CTTNBP2: variants seen among roughly 807,000 people sequenced by gnomAD.
CTTNBP2 encodes cortactin binding protein 2, also known as cortactin-binding protein 2.
In CTTNBP2, 108 loss-of-function variants were observed where a neutral mutation model predicts 156.9. The ratio of observed to expected loss-of-function variants is 0.69; its 90% CI spans 0.59 to 0.81. The LOEUF (loss-of-function observed/expected upper bound fraction) is 0.81. CTTNBP2 is among the 30% of genes least tolerant of loss of function. The pLI is 0.00. For synonymous variants in CTTNBP2, 767 were observed against 751.8 expected, an observed-to-expected ratio of 1.02 and a Z score of -0.33; for missense variants, 1,924 against 2,035.4, an observed-to-expected ratio of 0.95 and a Z score of 1.05.
At position 117,719,597 on chromosome 7, in the gene CTTNBP2, A is replaced by C; in HGVS notation, c.4551T>G (p.Asp1517Glu). The C allele has an allele frequency of 2.5e-6, 4 of 1,613,706 alleles. No homozygotes were observed. The highest frequency in any genetic ancestry group is 3.4e-6 in the Non-Finnish European group (4 of 1,179,686). ...CATCTGAACCCAGAGAGAGTCTCTG[A>C]TCCAAATTCAACGTCAGTGATAGAT... is the stretch of plus-strand genomic sequence containing the variant. ...ENDLSLTLNL[D>E]QRLSLGSDDE... Residue 1517 changes from aspartate to glutamate, a missense_variant, in exon 21 of 23, where the codon GAT becomes GAG. Coordinates refer to ENST00000160373, the MANE Select transcript of CTTNBP2 (RefSeq NM_033427.3).
intron 9 of CTTNBP2, among the ~76,000 whole-genome samples, chr7:117,762,346 A>G (rs552980895): frequency 6.6e-6 from 1 of 152,272 alleles, no homozygotes; most frequent in African/African-American, 2.4e-5. Context: ...ACATGAGAAA[A>G]TCTGTTTCAC....
intron 3 of CTTNBP2, among the ~76,000 whole-genome samples, chr7:117,806,509 C>T (rs73477468): frequency 0.014 from 2,190 of 152,296 alleles, 45 homozygotes; most frequent in African/African-American, 0.05. Flanking sequence ...TCCCTGGGCA[C>T]TCCAACCCAT....
chr7:117,720,417 T>C (rs1227894823), intron 20 of CTTNBP2, among the ~76,000 whole-genome samples: 1 of 152,174 alleles, frequency 6.6e-6, no homozygotes, highest in Non-Finnish European at 1.5e-5. Flanking sequence ...TGTAAATTTA[T>C]AGCACTTAAA....
At chr7:117,860,935 A>T (rs944910571) in intron 2 of CTTNBP2, among the ~76,000 whole-genome samples, 3 of 152,204 alleles carry the variant, frequency 2.0e-5, no homozygotes, top group Non-Finnish European at 2.9e-5. Flanking sequence ...TGTGAAACAT[A>T]AAAGGATTTC....
chr7:117,719,784 C>A, intron 20 of CTTNBP2, 148 bp from the exon 21 acceptor site: 2 of 565,574 alleles, frequency 3.5e-6, no homozygotes, highest in East Asian at 3.1e-5. Flanking sequence ...TCATTTAATG[C>A]AAGAAATTTC....
At chr7:117,834,935 T>C (rs1439174801) in intron 2 of CTTNBP2, among the ~76,000 whole-genome samples, 5 of 152,216 alleles carry the variant, frequency 3.3e-5, no homozygotes, top group Admixed American at 2.0e-4. Flanking sequence ...CACAGGAAAA[T>C]TGCTTCAGGT....
chr7:117,736,094 C>T (rs529695772), intron 14 of CTTNBP2, among the ~76,000 whole-genome samples: 1 of 152,066 alleles, frequency 6.6e-6, no homozygotes, highest in East Asian at 1.9e-4. Context: ...ATATCTATTT[C>T]ATAATACAAA....
intron 4 of CTTNBP2, among the ~76,000 whole-genome samples, chr7:117,786,194 A>C (rs1798691678): frequency 6.6e-6 from 1 of 152,202 alleles, no homozygotes; most frequent in African/African-American, 2.4e-5. Flanking sequence ...AAAAAGCTGG[A>C]TATTATATCT....
intron 12 of CTTNBP2, chr7:117,755,634 T>A (rs1796843646): frequency 2.2e-6 from 1 of 454,724 alleles, no homozygotes; most frequent in Admixed American, 2.4e-5. Context: ...AAATAAGTCA[T>A]AACAGCACTT....
chr7:117,784,494 G>A, intron 4 of CTTNBP2, 40 bp from the exon 5 acceptor site: 2 of 1,440,628 alleles, frequency 1.4e-6, no homozygotes, highest in Non-Finnish European at 1.9e-6. Context: ...GTAGGAGCAA[G>A]GACAAGAGAC....
chr7:117,781,738 A>G (rs1250537596), intron 6 of CTTNBP2, among the ~76,000 whole-genome samples: 1 of 152,206 alleles, frequency 6.6e-6, no homozygotes, highest in Admixed American at 6.5e-5. Context: ...CTCCGTCTAA[A>G]AGAAAGAAAG....
Position 117,784,294 on chromosome 7 carries a change from A to C in CTTNBP2, c.2229T>G (p.Asp743Glu), listed in dbSNP as rs1282059950. The C allele has an allele frequency of 6.2e-7, 1 of 1,613,678 alleles. No individual in the cohort carries two copies. The highest frequency in any genetic ancestry group is 1.3e-5 in the African/African-American group (1 of 74,928). ...EGLDINYSCEDGHSALYSAAK... is the reference protein window; with the variant it reads ...EGLDINYSCEEGHSALYSAAK... ...CAGCAGAATACAAGGCAGAATGGCC[A>C]TCTTCACAGGAGTAATTAATGTCCA... Residue 743 changes from aspartate (D) to glutamate (E), a missense_variant, in exon 5 of 23, where the codon GAT becomes GAG. By Grantham distance (45) the Asp-to-Glu change is conservative. Transcript: ENST00000160373.
chr7:117,870,561 G>T (rs1238084518), intron 1 of CTTNBP2, among the ~76,000 whole-genome samples: 1 of 152,180 alleles, frequency 6.6e-6, no homozygotes, highest in Non-Finnish European at 1.5e-5. Flanking sequence ...AGCTGCTCCA[G>T]AAAAGCTCAG....
intron 9 of CTTNBP2, among the ~76,000 whole-genome samples, chr7:117,763,531 C>T (rs1797314327): frequency 6.6e-6 from 1 of 150,402 alleles, no homozygotes. Flanking sequence ...CCAATTACAC[C>T]ATTGTTTTCT....
intron 10 of CTTNBP2, chr7:117,760,222 T>C (rs1256091299): frequency 8.9e-6 from 5 of 560,352 alleles, no homozygotes; most frequent in African/African-American, 3.7e-5. Flanking sequence ...TTTTACTCTC[T>C]GAGTATTATT....
chr7:117,734,249 G>GACAA (rs1287594882), intron 16 of CTTNBP2, among the ~76,000 whole-genome samples: 1 of 152,214 alleles, frequency 6.6e-6, no homozygotes, highest in Non-Finnish European at 1.5e-5. Context: ...ATAATGCAAT[G>GACAA]ACAATACTGT....
intron 2 of CTTNBP2, among the ~76,000 whole-genome samples, chr7:117,813,013 T>C (rs1226771881): frequency 2.0e-5 from 3 of 152,114 alleles, no homozygotes; most frequent in African/African-American, 4.8e-5. Flanking sequence ...CAAAACCTTC[T>C]CCTCCTCTTT....
At chr7:117,715,058 T>C (rs1794267550) in intron 22 of CTTNBP2, among the ~76,000 whole-genome samples, 1 of 152,178 alleles carries the variant, frequency 6.6e-6, no homozygotes, top group Non-Finnish European at 1.5e-5. Context: ...AATTGGTAAA[T>C]CAGAGCAATT....
chr7:117,791,103 G>C, intron 4 of CTTNBP2, 25 bp downstream of exon 4: 1 of 1,577,056 alleles, frequency 6.3e-7, no homozygotes. Context: ...TCTTTAAAAA[G>C]CGTATAACAT....
Sources: allele counts gnomAD v4.1 joint callset (sites outside exome capture counted in the v4.1 genomes callset), GRCh38; gene constraint gnomAD v4.1.1; transcripts MANE v1.5; gene names NCBI Gene and HGNC (gene_info 2026-07-23, HGNC 2026-07-21).